TRNT1: variants seen among roughly 807,000 people sequenced by gnomAD.
TRNT1 encodes tRNA nucleotidyl transferase 1.
A neutral mutation model predicts 45.6 loss-of-function variants in TRNT1; 44 were observed. The ratio of observed to expected loss-of-function variants is 0.97; its 90% CI spans 0.76 to 1.24. The LOEUF (loss-of-function observed/expected upper bound fraction) is 1.24. Among genes scored for constraint, TRNT1 ranks in the 50% most tolerant of loss-of-function variants. TRNT1 has a pLI of 0.00. For synonymous variants in TRNT1, 201 were observed against 171.4 expected, an observed-to-expected ratio of 1.17 and a Z score of -1.35; for missense variants, 633 against 504.4, an observed-to-expected ratio of 1.25 and a Z score of -2.44.
chr3:3,129,158 C>T lies in TRNT1; in HGVS notation c.118C>T (p.Leu40Phe), dbSNP rs908960894. 1 of 1,614,162 alleles carries T rather than the reference C, an allele frequency of 6.2e-7. No individual in the cohort carries two copies. The highest frequency in any genetic ancestry group is 2.2e-5 in the East Asian group (1 of 44,888). The change falls in exon 2 of 8, where the codon CTT becomes TTT. Residue 40 changes from leucine (L) to phenylalanine (F), a missense_variant. Physicochemically the swap from Leu to Phe is conservative, Grantham distance 22. Transcript: ENST00000251607. ...MKLQSPEFQSLFTEGLKSLTE... is the reference protein window; with the variant it reads ...MKLQSPEFQSFFTEGLKSLTE... Reference sequence around the variant, plus strand: ...GTTGCAGTCTCCCGAATTCCAGTCACTTTTCACAGAAGGACTGAAGAGTCT... The same window carrying T: ...GTTGCAGTCTCCCGAATTCCAGTCATTTTTCACAGAAGGACTGAAGAGTCT...
chr3:3,128,242 G>T (rs905364541), intron 1 of TRNT1, among the ~76,000 whole-genome samples: 3 of 152,064 alleles, frequency 2.0e-5, no homozygotes, highest in East Asian at 1.9e-4. Flanking sequence ...GTTCGTGGAG[G>T]CCTGGGGAGT....
In TRNT1 at chr3:3,146,637, A is replaced by G; in HGVS notation, c.802+14A>G. ...CTCCTTATATAGGTGAGAGCAAGTT[A>G]TAAAGTGTTTGAATTTTTGGCAGTG... On this transcript the variant is annotated intron_variant, in intron 6 of 7. Transcript: ENST00000251607. The G allele has an allele frequency of 6.5e-7, 1 of 1,532,716 alleles. No homozygotes were observed. Among genetic ancestry groups the G allele is most frequent in the East Asian group, 2.4e-5 (1 of 42,312 alleles). 94.9% of individuals were successfully genotyped at this position (1,532,716 alleles called of 1,614,324 possible). A position where few individuals can be genotyped will look rare whatever the true frequency, so the allele number is the denominator to read the frequency against.
chr3:3,146,845 G>A (rs1477081042), intron 6 of TRNT1, among the ~76,000 whole-genome samples: 1 of 152,146 alleles, frequency 6.6e-6, no homozygotes, highest in Admixed American at 6.5e-5. Flanking sequence ...GTCAGACCTA[G>A]GTTTGAAGGA....
chr3:3,132,998 TA>T (rs1368231197), intron 2 of TRNT1, among the ~76,000 whole-genome samples: 3 of 152,178 alleles, frequency 2.0e-5, no homozygotes, highest in Admixed American at 1.3e-4. Context: ...TGGTAAAATG[TA>T]ATGTTCTGTA....
At chr3:3,138,275 ACGGTTATAG>A (rs1705446614) in intron 3 of TRNT1, among the ~76,000 whole-genome samples, 1 of 152,190 alleles carries the variant, frequency 6.6e-6, no homozygotes, top group Admixed American at 6.5e-5. Context: ...TTTGATAGTT[ACGGTTATAG>A]AATTCTAGGC....
Position 3,147,434 on chromosome 3 carries a change from G to T in TRNT1, c.803-16G>T. ...TCCCCACTAAAAACAGGTGAAAAATGCTTTTGTCCCTACAGGTTTACCTGC... is the reference window on the plus strand; with the variant it reads ...TCCCCACTAAAAACAGGTGAAAAATTCTTTTGTCCCTACAGGTTTACCTGC... On this transcript the variant is annotated splice_polypyrimidine_tract_variant and intron_variant, in intron 6 of 7. Coordinates refer to ENST00000251607, the MANE Select transcript of TRNT1 (RefSeq NM_182916.3). 6.2e-7 allele frequency: 1 copy of T among 1,608,774 alleles called. No homozygotes were observed. Among genetic ancestry groups the T allele is most frequent in the Non-Finnish European group, 8.5e-7 (1 of 1,177,174 alleles).
Position 3,146,548 on chromosome 3 carries a change from A to G in TRNT1, c.727A>G (p.Lys243Glu). Reference protein sequence around the residue: ...ISGERIWVELKKILVGNHVNH... With the variant: ...ISGERIWVELEKILVGNHVNH... ...AGGAGAAAGGATTTGGGTGGAACTG[A>G]AAAAAATTCTTGTTGGTAACCATGT... The change falls in exon 6 of 8, where the codon AAA becomes GAA. Residue 243 changes from lysine to glutamate, a missense_variant. Lys to Glu is a moderately conservative substitution (Grantham distance 56). Coordinates refer to ENST00000251607, the MANE Select transcript of TRNT1 (RefSeq NM_182916.3). 1 of 1,613,914 alleles carries G rather than the reference A, an allele frequency of 6.2e-7. No individual in the cohort carries two copies. The highest frequency in any genetic ancestry group is 8.5e-7 in the Non-Finnish European group (1 of 1,179,896).
chr3:3,128,027 T>C, intron 1 of TRNT1: 1 of 152,252 alleles, frequency 6.6e-6, no homozygotes, highest in Non-Finnish European at 1.5e-5. Flanking sequence ...TTGTAAGTTG[T>C]ATGTTTATGT....
chr3:3,142,874 A>T (rs1184573699), intron 4 of TRNT1, among the ~76,000 whole-genome samples: 1 of 152,074 alleles, frequency 6.6e-6, no homozygotes, highest in African/African-American at 2.4e-5. Flanking sequence ...ATTTTCTTTT[A>T]TGTCTTTTTG....
At chr3:3,147,185 AGTCTGACACCACT>A (rs1393864259) in intron 6 of TRNT1, among the ~76,000 whole-genome samples, 1 of 152,160 alleles carries the variant, frequency 6.6e-6, no homozygotes, top group Non-Finnish European at 1.5e-5. Context: ...ATGCCTTGTG[AGTCTGACACCACT>A]GTCACCACTA....
exon 8 of TRNT1, chr3:3,149,021 A>AAACT (rs1333796073): frequency 3.3e-5 from 5 of 152,122 alleles, no homozygotes; most frequent in Admixed American, 6.6e-5. Flanking sequence ...TGTATAATAC[A>AAACT]AACTGTTTAT....
chr3:3,136,915 T>TGCTGGGAG, intron 2 of TRNT1: 2 of 279,320 alleles, frequency 7.2e-6, no homozygotes, highest in Non-Finnish European at 1.4e-5. Flanking sequence ...CCTCCCAAAG[T>TGCTGGGAG]ATCAGGATTA....
chr3:3,134,512 G>A (rs143615469), intron 2 of TRNT1, among the ~76,000 whole-genome samples: 70 of 152,166 alleles, frequency 4.6e-4, no homozygotes, highest in Middle Eastern at 3.4e-3. Context: ...TGAACTTATC[G>A]TTTTATTTTA....
chr3:3,136,549 A>G (rs1705336216), intron 2 of TRNT1: 1 of 395,700 alleles, frequency 2.5e-6, no homozygotes, highest in South Asian at 1.9e-5. Flanking sequence ...TCCTGCCTCA[A>G]CATCTATCTG....
downstream of TRNT1, among the ~76,000 whole-genome samples, chr3:3,151,311 C>T (rs113024996): frequency 6.6e-5 from 10 of 152,090 alleles, no homozygotes; most frequent in Admixed American, 6.5e-5. Flanking sequence ...TTAAGAATTT[C>T]TTTATAGAAA....
intron 2 of TRNT1, chr3:3,129,831 A>G (rs1575037136): frequency 3.2e-6 from 5 of 1,540,226 alleles, no homozygotes; most frequent in African/African-American, 1.4e-5. Context: ...GTGTTTCTGT[A>G]ACTACTAACT....
In TRNT1 at chr3:3,129,047, A is replaced by T; in HGVS notation, c.7A>T (p.Arg3Trp). The change falls in exon 2 of 8, where the codon AGG (arginine) becomes TGG (tryptophan). Residue 3 changes from arginine to tryptophan, a missense_variant. Physicochemically the swap from Arg to Trp is moderately radical, Grantham distance 101. Coordinates refer to ENST00000251607, the MANE Select transcript of TRNT1 (RefSeq NM_182916.3). ML[R>W]CLYHWHRPVL... ...TTGGTGACTGCCTCTCCAGATGCTG[A>T]GGTGCCTGTATCATTGGCACAGGCC... 6.2e-7 allele frequency: 1 copy of T among 1,608,242 alleles called. No individual in the cohort carries two copies.
chr3:3,152,545 A>G (rs1376158460), downstream of TRNT1: 3 of 1,614,024 alleles, frequency 1.9e-6, no homozygotes, highest in Non-Finnish European at 1.7e-6. Flanking sequence ...GCACATATCC[A>G]TGAGGATTCA....
At chr3:3,149,809 A>G (rs182039280), downstream of TRNT1, 17 of 152,260 alleles carry the variant, frequency 1.1e-4, no homozygotes, top group African/African-American at 3.1e-4. Context: ...GCCTCATACT[A>G]TTACTACATT....
Sources: gnomAD v4.1 joint callset for allele counts (sites outside exome capture counted in the v4.1 genomes callset) on GRCh38, gnomAD v4.1.1 for gene constraint, MANE v1.5 for transcripts, NCBI Gene and HGNC (gene_info 2026-07-23, HGNC 2026-07-21) for gene names.